The following BMS1 variants were observed in gnomAD, a reference collection of about 807,000 sequenced individuals.
The protein encoded by BMS1 is ribosome biogenesis protein BMS1 homolog.
Under a neutral mutation model 138.7 loss-of-function variants are expected in BMS1, and 53 were observed. The ratio of observed to expected loss-of-function variants is 0.38; its 90% CI spans 0.31 to 0.48. The LOEUF is 0.48. Among genes scored for constraint, BMS1 ranks in the 20% least tolerant of loss-of-function variants. The probability of loss-of-function intolerance (pLI) is 0.97; values close to 1 mark genes in which losing one functional copy is unlikely to be tolerated. For missense variants in BMS1, 1,360 were observed against 1,565.5 expected (o/e 0.87, Z 2.22); for synonymous variants, 504 against 539.9 (o/e 0.93, Z 0.92).
At chr10:42,787,337 A>C in intron 4 of BMS1, 90 bp downstream of exon 4, 1 of 1,000,510 alleles carries the variant, frequency 1.0e-6, no homozygotes, top group Non-Finnish European at 1.6e-6. Flanking sequence ...AGAGAGTCTT[A>C]TAATTATTAA....
chr10:42,806,109 A>G (rs1842004693), intron 13 of BMS1, among the ~76,000 whole-genome samples: 1 of 152,112 alleles, frequency 6.6e-6, no homozygotes, highest in Non-Finnish European at 1.5e-5. Context: ...ACTTCTTACT[A>G]TCCCAAGGAT....
chr10:42,796,822 A>G lies in BMS1; in HGVS notation c.1578A>G (p.Glu526=), dbSNP rs756717316. ...CGGAGGAAGCTGATGAAAGCAGTGA[A>G]GAAGAGGACTGCACTGCAGGAGAGA... ...GEAEEADESS[E]EEDCTAGEKG... The change falls in exon 10 of 23, where the codon GAA becomes GAG. Residue 526 remains glutamate (E), a synonymous_variant. Coordinates refer to ENST00000374518, the MANE Select transcript of BMS1 (RefSeq NM_014753.4). 5 of 1,614,234 alleles carry G rather than the reference A, an allele frequency of 3.1e-6. No individual in the cohort carries two copies. The South Asian group carries it at 4.4e-5, about 14-fold the overall frequency.
At chr10:42,817,625 C>G in intron 15 of BMS1, 131 bp downstream of exon 15, 1 of 860,248 alleles carries the variant, frequency 1.2e-6, no homozygotes, top group Non-Finnish European at 1.7e-6. Context: ...CATTCGGACT[C>G]CTGGGTAGAG....
chr10:42,816,318 CAA>C (rs757053191), intron 13 of BMS1, among the ~76,000 whole-genome samples: 1 of 151,918 alleles, frequency 6.6e-6, no homozygotes, highest in East Asian at 1.9e-4. Flanking sequence ...AAAACAAAAA[CAA>C]AAGAGTGTCC....
Position 42,817,329 on chromosome 10 carries a change from A to G in BMS1, c.2415A>G (p.Ile805Met), listed in dbSNP as rs774764420. ...TCTGGAAATTTAAGAATGAAGATAT[A>G]GAGAAAGAAGTTAAGGAAGAAATTG... is the stretch of plus-strand genomic sequence containing the variant. ...KSGPNTQNED[I>M]EKEVKEEIDP... The change falls in exon 15 of 23, where the codon ATA becomes ATG. Residue 805 changes from isoleucine (I) to methionine (M), a missense_variant. Ile to Met is a conservative substitution (Grantham distance 10). Coordinates refer to ENST00000374518, the MANE Select transcript of BMS1 (RefSeq NM_014753.4). 5 of 1,598,544 alleles carry G rather than the reference A, an allele frequency of 3.1e-6. No individual in the cohort carries two copies. The East Asian group carries it at 1.1e-4, about 36-fold the overall frequency.
At chr10:42,811,332 C>G (rs187914473) in intron 13 of BMS1, among the ~76,000 whole-genome samples, 6 of 151,766 alleles carry the variant, frequency 4.0e-5, no homozygotes, top group African/African-American at 1.5e-4. Context: ...CATGAGCCAC[C>G]ACATCCGGCC....
Position 42,802,134 on chromosome 10 carries a change from A to G in BMS1, c.2248-3A>G. ...CACCTAAGTGCTGACTTTTCTGCGT[A>G]AGGTTATGAACAGTATCAGAGATTG... On this transcript the variant is annotated splice_polypyrimidine_tract_variant and splice_region_variant and intron_variant, in intron 12 of 22. Coordinates refer to ENST00000374518, the MANE Select transcript of BMS1 (RefSeq NM_014753.4). 1 of 1,595,176 alleles carries G rather than the reference A, an allele frequency of 6.3e-7. No individual in the cohort carries two copies. Among genetic ancestry groups the G allele is most frequent in the East Asian group, 2.3e-5 (1 of 44,110 alleles).
intron 13 of BMS1, among the ~76,000 whole-genome samples, chr10:42,805,228 C>A (rs1461471673): frequency 6.6e-6 from 1 of 152,142 alleles, no homozygotes; most frequent in Non-Finnish European, 1.5e-5. Context: ...TTTCCCTGCA[C>A]CATCTGCTGA....
At chr10:42,806,737 GA>G (rs35466848) in intron 13 of BMS1, among the ~76,000 whole-genome samples, 12,217 of 99,342 alleles carry the variant, frequency 0.12, 571 homozygotes, top group Non-Finnish European at 0.15. Context: ...TCCGTCTCAG[GA>G]AAAAAAAAAA....
rs759884619 is a variant in BMS1, at chr10:42,817,346, A to G, written c.2432A>G (p.Glu811Gly). Reference sequence around the variant, plus strand: ...GAAGATATAGAGAAAGAAGTTAAGGAAGAAATTGACCCCGACGAAGAAGAA... The same window carrying G: ...GAAGATATAGAGAAAGAAGTTAAGGGAGAAATTGACCCCGACGAAGAAGAA... ...QNEDIEKEVKEEIDPDEEESA... is the reference protein window; with the variant it reads ...QNEDIEKEVKGEIDPDEEESA... Residue 811 changes from glutamate to glycine, a missense_variant, in exon 15 of 23, where the codon GAA becomes GGA. Transcript: ENST00000374518. 4.4e-6 allele frequency: 7 copies of G among 1,605,668 alleles called. No homozygotes were observed. Among genetic ancestry groups the G allele is most frequent in the South Asian group, 1.1e-5 (1 of 89,390 alleles).
At position 42,822,191 on chromosome 10, in the gene BMS1, A is replaced by T. The variant is rs1449622984; in HGVS notation, c.3132+7A>T. 7.8e-7 allele frequency: 1 copy of T among 1,288,034 alleles called. No individual in the cohort carries two copies. Among genetic ancestry groups the T allele is most frequent in the African/African-American group, 1.5e-5 (1 of 67,558 alleles). The allele number at this position is 1,288,034 out of a possible 1,614,324, so 79.8% of individuals were successfully genotyped here. On this transcript the variant is annotated splice_region_variant and intron_variant, in intron 19 of 22. Transcript: ENST00000374518. The stretch of plus-strand genomic sequence containing the variant: ...GAACACTTCATTTATTAAGGTCTGT[A>T]TATCTATATATTCTCATATTTATAA...
chr10:42,823,793 C>T lies in BMS1; in HGVS notation c.3456+9C>T, dbSNP rs759896099. On this transcript the variant is annotated intron_variant, in intron 21 of 22. Coordinates refer to ENST00000374518, the MANE Select transcript of BMS1 (RefSeq NM_014753.4). ...AGGACTCTCTGTATAAGGTACTGGT[C>T]GCGTGTGTGTTAGTGGAGATGAAGC... 3.7e-5 allele frequency: 58 copies of T among 1,556,594 alleles called. No homozygotes were observed. Among genetic ancestry groups the T allele is most frequent in the Admixed American group, 1.5e-4 (8 of 54,214 alleles).
In BMS1 at chr10:42,807,755, A is replaced by G. The variant is rs58239044; in HGVS notation, c.2329+5537A>G. 4.1e-3 allele frequency among the ~76,000 whole-genome samples: 621 copies of G among 152,312 alleles called. 4 individuals are homozygous for G. The highest frequency in any genetic ancestry group is 0.014 in the African/African-American group (591 of 41,556). ...TTTTGACTATTAGAATTGAGCTACT[A>G]TGAACACTTGTATAGAAGTTTTTGT... On this transcript the variant is annotated intron_variant, in intron 13 of 22. Coordinates refer to ENST00000374518, the MANE Select transcript of BMS1 (RefSeq NM_014753.4).
chr10:42,826,130 TG>T lies in BMS1; in HGVS notation c.3456+2347del, dbSNP rs566736627. On this transcript the variant is annotated intron_variant, in intron 21 of 22. Transcript: ENST00000374518. The stretch of plus-strand genomic sequence containing the variant: ...AGGGATAAATCCCACTTAAACACGA[TG>T]TATAAAGTTTTTGATGTGTTGTTGA... 7.0e-4 allele frequency among the ~76,000 whole-genome samples: 107 copies of T among 152,306 alleles called. 1 individual carries two copies. In the South Asian group the frequency reaches 0.013, roughly 19 times the overall value.
At chr10:42,827,915 A>G (rs952057426) in intron 21 of BMS1, among the ~76,000 whole-genome samples, 3 of 152,204 alleles carry the variant, frequency 2.0e-5, no homozygotes, top group African/African-American at 7.2e-5. Context: ...TTTCCCCACC[A>G]TATACATGTA....
At chr10:42,830,449 G>T (rs372101358) in intron 22 of BMS1, 27 bp downstream of exon 22, 10 of 1,576,520 alleles carry the variant, frequency 6.3e-6, no homozygotes, top group South Asian at 1.2e-5. Context: ...TGTACTGCAC[G>T]CTGCGTTTAG....
chr10:42,817,726 A>C (rs1243344594), intron 15 of BMS1, among the ~76,000 whole-genome samples: 4 of 152,216 alleles, frequency 2.6e-5, no homozygotes, highest in Non-Finnish European at 4.4e-5. Context: ...TTTTGTAACA[A>C]GAATTAGGAA....
chr10:42,816,170 G>A (rs547009931), intron 13 of BMS1, among the ~76,000 whole-genome samples: 3 of 152,234 alleles, frequency 2.0e-5, no homozygotes, highest in East Asian at 3.9e-4. Context: ...TTGGTGGCGG[G>A]TGCCTATAAT....
In BMS1 at chr10:42,797,453, A is replaced by G. The variant is rs200250760; in HGVS notation, c.2019A>G (p.Arg673=). The G allele has an allele frequency of 1.2e-6, 2 of 1,614,256 alleles. No homozygotes were observed. The highest frequency in any genetic ancestry group is 4.5e-5 in the East Asian group (2 of 44,886). ...GALKWKEDLS[R]KAAEAFLRQQ... Reference sequence around the variant, plus strand: ...TCAAGTGGAAGGAAGACCTTTCCAGAAAGGCAGCTGAGGCCTTTCTGAGGC... The same window carrying G: ...TCAAGTGGAAGGAAGACCTTTCCAGGAAGGCAGCTGAGGCCTTTCTGAGGC... The change falls in exon 11 of 23, where the codon AGA becomes AGG. Residue 673 remains arginine (R), a synonymous_variant. Coordinates refer to ENST00000374518, the MANE Select transcript of BMS1 (RefSeq NM_014753.4).
Sources: gnomAD v4.1 joint callset for allele counts (sites outside exome capture counted in the v4.1 genomes callset) on GRCh38, gnomAD v4.1.1 for gene constraint, MANE v1.5 for transcripts, NCBI Gene and HGNC (gene_info 2026-07-23, HGNC 2026-07-21) for gene names.